Variants in RORA observed in about 807,000 individuals in gnomAD.
RORA encodes the protein RAR related orphan receptor A.
RORA carries 7 observed loss-of-function variants against 69.5 expected under a neutral mutation model. The ratio of observed to expected loss-of-function variants is 0.10; its 90% CI spans 0.06 to 0.19. RORA has a LOEUF of 0.19. RORA is among the 10% of genes least tolerant of loss of function. RORA has a pLI of 1.00. For missense variants in RORA, 457 were observed against 663.0 expected (o/e 0.69, Z 3.41); for synonymous variants, 261 against 240.8 (o/e 1.08, Z -0.78).
chr15:61,148,791 T>A (rs1353037259), intron 1 of RORA, among the ~76,000 whole-genome samples: 1 of 152,184 alleles, frequency 6.6e-6, no homozygotes, highest in Admixed American at 6.5e-5. Context: ...AATGGGATCA[T>A]GAAGCCTGAC....
intron 1 of RORA, among the ~76,000 whole-genome samples, chr15:61,224,723 C>A (rs1417701050): frequency 6.6e-6 from 1 of 152,178 alleles, no homozygotes; most frequent in Non-Finnish European, 1.5e-5. Context: ...AGTGATTCAG[C>A]TGTCACTAAA....
chr15:61,184,803 T>C (rs540991353), intron 1 of RORA, among the ~76,000 whole-genome samples: 13 of 151,724 alleles, frequency 8.6e-5, no homozygotes, highest in Non-Finnish European at 1.3e-4. Flanking sequence ...CTGGGCAACA[T>C]AGTGAGACCC....
intron 1 of RORA, among the ~76,000 whole-genome samples, chr15:60,820,258 C>T (rs1184940814): frequency 6.6e-6 from 1 of 152,136 alleles, no homozygotes; most frequent in Non-Finnish European, 1.5e-5. Context: ...TTGAAAGTTG[C>T]CTATTTTTTT....
At chr15:61,146,455 CA>C (rs1685311654) in intron 1 of RORA, among the ~76,000 whole-genome samples, 1 of 80,426 alleles carries the variant, frequency 1.2e-5, no homozygotes, top group Non-Finnish European at 3.4e-5. Context: ...AACACACATA[CA>C]CATACACACA....
chr15:61,005,622 A>G (rs912645010), intron 1 of RORA, among the ~76,000 whole-genome samples: 2 of 152,330 alleles, frequency 1.3e-5, no homozygotes, highest in East Asian at 3.9e-4. Flanking sequence ...ACACACACAT[A>G]TATGTATTAT....
intron 1 of RORA, among the ~76,000 whole-genome samples, chr15:60,873,056 C>G (rs934160005): frequency 2.6e-5 from 4 of 152,116 alleles, no homozygotes; most frequent in African/African-American, 7.2e-5. Flanking sequence ...AGTGCCGAGT[C>G]TATAAAGATT....
intron 1 of RORA, among the ~76,000 whole-genome samples, chr15:60,807,837 G>A (rs2072680809): frequency 6.6e-6 from 1 of 152,122 alleles, no homozygotes; most frequent in Non-Finnish European, 1.5e-5. Flanking sequence ...AGTACACCCT[G>A]TTCAACAAAT....
chr15:60,556,441 C>T (rs960846088), intron 2 of RORA, among the ~76,000 whole-genome samples: 2 of 152,204 alleles, frequency 1.3e-5, no homozygotes, highest in African/African-American at 4.8e-5. Flanking sequence ...CGCCTTTTCT[C>T]TTTTATGAAC....
At chr15:61,056,793 A>G (rs2078102917) in intron 1 of RORA, among the ~76,000 whole-genome samples, 1 of 152,252 alleles carries the variant, frequency 6.6e-6, no homozygotes, top group African/African-American at 2.4e-5. Flanking sequence ...ACACCCGTCC[A>G]GTTTCCTTCC....
At chr15:61,029,614 C>T (rs17303369) in intron 1 of RORA, among the ~76,000 whole-genome samples, 7,057 of 151,938 alleles carry the variant, frequency 0.046, 277 homozygotes, top group East Asian at 0.2. Flanking sequence ...ATGGATGGGC[C>T]GAAGTGAAGA....
At chr15:60,782,001 C>T (rs887304348) in intron 1 of RORA, among the ~76,000 whole-genome samples, 1 of 152,140 alleles carries the variant, frequency 6.6e-6, no homozygotes, top group African/African-American at 2.4e-5. Flanking sequence ...CCGACGAGGG[C>T]GGATCACGAG....
At chr15:60,877,237 A>G (rs1231571153) in intron 1 of RORA, among the ~76,000 whole-genome samples, 2 of 152,232 alleles carry the variant, frequency 1.3e-5, no homozygotes, top group African/African-American at 4.8e-5. Flanking sequence ...ATCCAGATGC[A>G]GACACAAGGA....
chr15:60,670,165 C>T (rs1003173430), intron 2 of RORA, among the ~76,000 whole-genome samples: 1 of 151,012 alleles, frequency 6.6e-6, no homozygotes, highest in African/African-American at 2.4e-5. Flanking sequence ...AAGGCCTTTC[C>T]ACTGAATCCA....
At chr15:61,046,015 A>T (rs1897001906) in intron 1 of RORA, among the ~76,000 whole-genome samples, 1 of 152,134 alleles carries the variant, frequency 6.6e-6, no homozygotes, top group Non-Finnish European at 1.5e-5. Context: ...AGAGGGCTGG[A>T]AGGTCGGTGG....
intron 1 of RORA, among the ~76,000 whole-genome samples, chr15:61,002,747 G>C (rs1219194364): frequency 3.9e-5 from 6 of 152,090 alleles, no homozygotes; most frequent in African/African-American, 1.4e-4. Context: ...GCTCCAATTT[G>C]AAGAGTTATT....
intron 1 of RORA, among the ~76,000 whole-genome samples, chr15:60,869,347 A>C (rs1010343765): frequency 3.9e-5 from 6 of 152,208 alleles, no homozygotes; most frequent in African/African-American, 1.4e-4. Context: ...CAGGAGAGGC[A>C]TCTATTACAG....
At position 60,863,234 on chromosome 15, in the gene RORA, A is replaced by G. The variant is rs145919659; in HGVS notation, c.167-184548T>C. 1.3e-4 allele frequency among the ~76,000 whole-genome samples: 20 copies of G among 152,364 alleles called. No homozygotes were observed. The East Asian group carries it at 3.9e-3, about 29-fold the overall frequency. On this transcript the variant is annotated intron_variant, in intron 1 of 10. Coordinates refer to ENST00000335670, the MANE Select transcript of RORA (RefSeq NM_134261.3). ...ATAGTGACAGAGCCTGGGCTTGCACATTAGTGTTCTGACCTTTCAGGAACA... is the reference window on the plus strand; with the variant it reads ...ATAGTGACAGAGCCTGGGCTTGCACGTTAGTGTTCTGACCTTTCAGGAACA...
At chr15:60,573,699 T>C (rs1417317451) in intron 2 of RORA, among the ~76,000 whole-genome samples, 1 of 152,228 alleles carries the variant, frequency 6.6e-6, no homozygotes, top group Admixed American at 6.5e-5. Flanking sequence ...CAAACTACCA[T>C]TTGTTGGCAA....
At chr15:60,928,873 C>T (rs1892291397) in intron 1 of RORA, among the ~76,000 whole-genome samples, 1 of 152,216 alleles carries the variant, frequency 6.6e-6, no homozygotes, top group South Asian at 2.1e-4. Context: ...CAGGCTGGGG[C>T]ACCAGGTGTA....
Sources: allele counts gnomAD v4.1 joint callset (sites outside exome capture counted in the v4.1 genomes callset), GRCh38; gene constraint gnomAD v4.1.1; transcripts MANE v1.5; gene names NCBI Gene and HGNC (gene_info 2026-07-23, HGNC 2026-07-21).